The following SLC9A4 variants were observed in gnomAD, a reference collection of about 807,000 sequenced individuals.
SLC9A4 encodes solute carrier family 9 member A4.
Under a neutral mutation model 67.4 loss-of-function variants are expected in SLC9A4, and 63 were observed. The ratio of observed to expected loss-of-function variants is 0.93; its 90% confidence interval spans 0.76 to 1.15. SLC9A4 has a LOEUF of 1.15. Among genes scored for constraint, SLC9A4 ranks in the 50% most tolerant of loss-of-function variants. The probability of loss-of-function intolerance (pLI) is 0.00; values close to 1 mark genes in which losing one functional copy is unlikely to be tolerated. For synonymous variants in SLC9A4, 393 were observed against 367.2 expected (o/e 1.07, Z -0.80); for missense variants, 1,089 against 987.7 (o/e 1.10, Z -1.38).
Position 102,525,124 on chromosome 2 carries a change from G to A in SLC9A4, c.1919G>A (p.Arg640Lys), listed in dbSNP as rs61731289. The change falls in exon 10 of 12, where the codon AGG becomes AAG. Residue 640 changes from arginine to lysine, a missense_variant. Transcript: ENST00000295269. ...RRQNTLRESM[R>K]KGHSLPWGKP... ...CAGAACACCTTAAGGGAGAGCATGA[G>A]GAAAGGTCACAGCCTGCCCTGGGGA... 65,747 of 1,614,032 alleles carry A rather than the reference G, an allele frequency of 0.041. 1,575 individuals carry two copies. The highest frequency in any genetic ancestry group is 0.059 in the South Asian group (5,399 of 91,064).
intron 1 of SLC9A4, among the ~76,000 whole-genome samples, chr2:102,476,983 T>A (rs1684347380): frequency 6.6e-6 from 1 of 152,200 alleles, no homozygotes; most frequent in South Asian, 2.1e-4. Context: ...AATTATACCC[T>A]GTTGTGTTAA....
chr2:102,522,094 A>G (rs1486057177), intron 9 of SLC9A4, among the ~76,000 whole-genome samples: 3 of 152,202 alleles, frequency 2.0e-5, no homozygotes, highest in African/African-American at 7.2e-5. Flanking sequence ...TCTGAAACAC[A>G]GTGGGGATGG....
intron 2 of SLC9A4, among the ~76,000 whole-genome samples, chr2:102,499,527 T>C (rs1045955875): frequency 6.6e-6 from 1 of 152,172 alleles, no homozygotes; most frequent in Non-Finnish European, 1.5e-5. Flanking sequence ...ATGGTATGTG[T>C]GTGTGTCTGT....
intron 2 of SLC9A4, among the ~76,000 whole-genome samples, chr2:102,500,966 T>TG (rs944842895): frequency 6.6e-6 from 1 of 151,496 alleles, no homozygotes; most frequent in Non-Finnish European, 1.5e-5. Context: ...ATCTTTTTTT[T>TG]TTTTTTTAGT....
intron 8 of SLC9A4, among the ~76,000 whole-genome samples, chr2:102,517,483 A>G (rs1685298061): frequency 6.6e-6 from 1 of 152,216 alleles, no homozygotes; most frequent in Non-Finnish European, 1.5e-5. Flanking sequence ...AGAGAGGTTG[A>G]TTGATGAGAA....
chr2:102,526,137 T>C lies in SLC9A4; in HGVS notation c.1951-122T>C, dbSNP rs993145263. ...CCCTGACCTCAGGTGATCCGCCCTC[T>C]TCTGCCTCCCAAAGTGCTGGGATTA... On this transcript the variant is annotated intron_variant, in intron 10 of 11. Transcript: ENST00000295269. The C allele has an allele frequency of 8.2e-6, 8 of 980,978 alleles. No homozygotes were observed. The African/African-American group carries it at 1.1e-4, about 14-fold the overall frequency. The allele number at this position is 980,978 out of a possible 1,614,324, so 60.8% of individuals were successfully genotyped here.
intron 9 of SLC9A4, among the ~76,000 whole-genome samples, chr2:102,523,312 A>T (rs983058907): frequency 6.6e-6 from 1 of 152,082 alleles, no homozygotes; most frequent in African/African-American, 2.4e-5. Flanking sequence ...TTATACAATT[A>T]TCTATTTTGT....
At position 102,533,194 on chromosome 2, in the gene SLC9A4, T is replaced by C. The variant is rs1026352312; in HGVS notation, c.*506T>C. On this transcript the variant is annotated 3_prime_UTR_variant, in exon 12 of 12. Transcript: ENST00000295269. ...CCTCCAAACTGAAACTAATTTGATT[T>C]TGATTTCATATTCAATATGCAATAA... 3 of 154,678 alleles carry C rather than the reference T, an allele frequency of 1.9e-5. No homozygotes were observed. Among genetic ancestry groups the C allele is most frequent in the Non-Finnish European group, 2.9e-5 (2 of 69,474 alleles). The allele number at this position is 154,678 out of a possible 1,614,324, so 9.6% of individuals were successfully genotyped here.
intron 8 of SLC9A4, among the ~76,000 whole-genome samples, chr2:102,519,096 C>T (rs1685339918): frequency 6.6e-6 from 1 of 152,188 alleles, no homozygotes; most frequent in African/African-American, 2.4e-5. Flanking sequence ...ACTTTATAAT[C>T]CCCAGAGGAC....
chr2:102,483,227 C>T (rs1287830880), intron 2 of SLC9A4, among the ~76,000 whole-genome samples: 1 of 152,188 alleles, frequency 6.6e-6, no homozygotes, highest in African/African-American at 2.4e-5. Flanking sequence ...CTGTGGTCAC[C>T]CACAGCACAG....
intron 2 of SLC9A4, among the ~76,000 whole-genome samples, chr2:102,494,464 T>C (rs1000243556): frequency 6.6e-6 from 1 of 152,084 alleles, no homozygotes; most frequent in Non-Finnish European, 1.5e-5. Context: ...TATATAGTAA[T>C]ATGGTAGATC....
intron 2 of SLC9A4, among the ~76,000 whole-genome samples, chr2:102,487,545 G>A (rs149774896): frequency 5.9e-5 from 9 of 152,266 alleles, no homozygotes; most frequent in African/African-American, 2.2e-4. Context: ...GAGGGGCACT[G>A]TATTATTTCA....
At chr2:102,491,047 T>A (rs1033224611) in intron 2 of SLC9A4, among the ~76,000 whole-genome samples, 1 of 152,152 alleles carries the variant, frequency 6.6e-6, no homozygotes, top group African/African-American at 2.4e-5. Context: ...TGAAACTCTC[T>A]CTTGTAATTC....
At chr2:102,474,061 G>A (rs543833098) in intron 1 of SLC9A4, 46 bp downstream of exon 1, 1 of 1,584,770 alleles carries the variant, frequency 6.3e-7, no homozygotes, top group African/African-American at 1.3e-5. Flanking sequence ...TTTTACATAA[G>A]ATAGTGAATG....
chr2:102,476,028 C>G (rs1443199441), intron 1 of SLC9A4, among the ~76,000 whole-genome samples: 4 of 152,178 alleles, frequency 2.6e-5, no homozygotes, highest in East Asian at 3.9e-4. Flanking sequence ...TGACCATGGT[C>G]CCTGACCTCA....
Position 102,532,792 on chromosome 2 carries a change from G to A in SLC9A4, c.*104G>A. On this transcript the variant is annotated 3_prime_UTR_variant, in exon 12 of 12. Coordinates refer to ENST00000295269, the MANE Select transcript of SLC9A4 (RefSeq NM_001011552.4). ...TCAGAAGAGAGCTATTGAGTTTGCT[G>A]TGTTGAAGCTATTAAACATGGATCT... 2 of 1,232,298 alleles carry A rather than the reference G, an allele frequency of 1.6e-6. No individual in the cohort carries two copies. The highest frequency in any genetic ancestry group is 2.2e-6 in the Non-Finnish European group (2 of 891,074). The allele number at this position is 1,232,298 out of a possible 1,614,324, so 76.3% of individuals were successfully genotyped here.
At position 102,473,547 on chromosome 2, in the gene SLC9A4, C is replaced by A. The variant is rs1684264489; in HGVS notation, c.-213C>A. 1 of 568,602 alleles carries A rather than the reference C, an allele frequency of 1.8e-6. No individual in the cohort carries two copies. Among genetic ancestry groups the A allele is most frequent in the Non-Finnish European group, 3.1e-6 (1 of 327,760 alleles). The allele number at this position is 568,602 out of a possible 1,614,324, so 35.2% of individuals were successfully genotyped here. On this transcript the variant is annotated 5_prime_UTR_variant, in exon 1 of 12. In the 5' UTR this introduces an upstream ATG that the reference lacks. Transcript: ENST00000295269. The stretch of plus-strand genomic sequence containing the variant: ...TGAATAACTGCATTTGAGTTGGAAG[C>A]TGAGTTGCCTGAACACAAACGATTT...
rs1332459284 is a variant in SLC9A4, at chr2:102,521,897, G to C, written c.1818+1942G>C. On this transcript the variant is annotated intron_variant, in intron 9 of 11. Coordinates refer to ENST00000295269, the MANE Select transcript of SLC9A4 (RefSeq NM_001011552.4). Reference sequence around the variant, plus strand: ...GGATGAATGCAGAGTTTGACTCTGGGCGACCCTAATGCACAGTTGATCCGA... The same window carrying C: ...GGATGAATGCAGAGTTTGACTCTGGCCGACCCTAATGCACAGTTGATCCGA... 3.3e-5 allele frequency among the ~76,000 whole-genome samples: 5 copies of C among 152,278 alleles called. No homozygotes were observed. In the East Asian group the frequency reaches 9.7e-4, roughly 29 times the overall value.
intron 2 of SLC9A4, among the ~76,000 whole-genome samples, chr2:102,493,224 T>C (rs1486840957): frequency 6.6e-6 from 1 of 152,098 alleles, no homozygotes; most frequent in Non-Finnish European, 1.5e-5. Flanking sequence ...AAATTCTGCC[T>C]GTTACCCAGT....
Sources: allele counts gnomAD v4.1 joint callset (sites outside exome capture counted in the v4.1 genomes callset), GRCh38; gene constraint gnomAD v4.1.1; transcripts MANE v1.5; gene names NCBI Gene and HGNC (gene_info 2026-07-23, HGNC 2026-07-21).